Variants in ADARB1 observed in about 807,000 individuals in gnomAD.
The protein encoded by ADARB1 is adenosine deaminase RNA specific B1.
Under a neutral mutation model 52.4 loss-of-function variants are expected in ADARB1, and 10 were observed. The observed-to-expected ratio is 0.19, with a 90% CI of 0.12 to 0.32. ADARB1 has a LOEUF of 0.32. Ranked by LOEUF, ADARB1 falls within the 10% of genes least tolerant of loss-of-function variation. The pLI is 1.00. For missense variants in ADARB1, 643 were observed against 922.3 expected, an observed-to-expected ratio of 0.70 and a Z score of 3.92; for synonymous variants, 349 against 371.1, an observed-to-expected ratio of 0.94 and a Z score of 0.68.
chr21:45,170,685 T>C (rs1352265778), intron 2 of ADARB1, among the ~76,000 whole-genome samples: 1 of 152,082 alleles, frequency 6.6e-6, no homozygotes, highest in Non-Finnish European at 1.5e-5. Flanking sequence ...ATTTGCCTTT[T>C]AGTGATTTAT....
rs1490376346 is a variant in ADARB1 at position 45,200,984 on chromosome 21, G to A, written c.1566-3571G>A. 2.6e-5 allele frequency among the ~76,000 whole-genome samples: 4 copies of A among 152,214 alleles called. No individual in the cohort carries two copies. The highest frequency in any genetic ancestry group is 5.9e-5 in the Non-Finnish European group (4 of 68,028). ...AAGACGAAGAAGGCCAGGCACAGAT[G>A]CCTAGACCCGGGTGCACTGAGCCGA... On this transcript the variant is annotated intron_variant, in intron 8 of 10. Transcript: ENST00000348831. This position sits in a 1 kb window ranked among gnomAD's most constrained non-coding sequence, Gnocchi z 5.0.
Position 45,182,768 on chromosome 21 carries a change from C to T in ADARB1, c.1247+15C>T. ...CTTTACTTAAAGTAAGTTTAGTAAA[C>T]AAATAAGGACAGGAAGCTCTTTTTA... On this transcript the variant is annotated intron_variant, in intron 6 of 10. Coordinates refer to ENST00000348831, the MANE Select transcript of ADARB1 (RefSeq NM_001112.4). 1.3e-6 allele frequency: 2 copies of T among 1,555,844 alleles called. No individual in the cohort carries two copies. Among genetic ancestry groups the T allele is most frequent in the Non-Finnish European group, 1.7e-6 (2 of 1,152,328 alleles).
At chr21:45,195,528 A>G (rs1251255527) in intron 8 of ADARB1, among the ~76,000 whole-genome samples, 3 of 151,690 alleles carry the variant, frequency 2.0e-5, no homozygotes, top group Non-Finnish European at 2.9e-5. Context: ...TAGGAATTTT[A>G]TAGTTTTGCA....
intron 2 of ADARB1, chr21:45,152,656 C>A (rs1471937344): frequency 2.2e-6 from 1 of 450,750 alleles, no homozygotes; most frequent in South Asian, 1.6e-5. Flanking sequence ...CCTTTTTCAG[C>A]ATCATGGGGC....
rs137956989 is a variant in ADARB1 at position 45,081,310 on chromosome 21, C to A, written c.-220+6517C>A. ...AGACACCGTGCCTCACAACTACACACGGACCCGGCTTATGATGGTTCCAGT... is the reference window on the plus strand; with the variant it reads ...AGACACCGTGCCTCACAACTACACAAGGACCCGGCTTATGATGGTTCCAGT... On this transcript the variant is annotated intron_variant, in intron 1 of 10. Transcript: ENST00000348831. 5.5e-3 allele frequency among the ~76,000 whole-genome samples: 845 copies of A among 152,280 alleles called. 6 individuals carry two copies. The highest frequency in any genetic ancestry group is 0.014 in the Middle Eastern group (4 of 294).
At chr21:45,169,833 G>T (rs1298963743) in intron 2 of ADARB1, among the ~76,000 whole-genome samples, 1 of 152,130 alleles carries the variant, frequency 6.6e-6, no homozygotes, top group East Asian at 1.9e-4. Context: ...CTGTTTTCCC[G>T]TCTTCGTGAT....
chr21:45,091,226 C>G (rs532218922), intron 1 of ADARB1, among the ~76,000 whole-genome samples: 1 of 152,306 alleles, frequency 6.6e-6, no homozygotes, highest in Admixed American at 6.5e-5. Flanking sequence ...ACTCAGACAT[C>G]CACTTGTCTT....
intron 9 of ADARB1, among the ~76,000 whole-genome samples, chr21:45,215,757 T>G (rs893500542): frequency 6.6e-5 from 10 of 152,250 alleles, no homozygotes; most frequent in Admixed American, 5.2e-4. Flanking sequence ...TTTGCTAAAA[T>G]TTCATTTAGA....
chr21:45,084,871 G>C (rs972239076), intron 1 of ADARB1, among the ~76,000 whole-genome samples: 1 of 152,172 alleles, frequency 6.6e-6, no homozygotes, highest in African/African-American at 2.4e-5. Context: ...AAGTCACTTA[G>C]AGTGAGTTGA....
Position 45,222,907 on chromosome 21 carries a change from T to TG in ADARB1, c.*711dup. On this transcript the variant is annotated 3_prime_UTR_variant, in exon 11 of 11. Coordinates refer to ENST00000348831, the MANE Select transcript of ADARB1 (RefSeq NM_001112.4). Reference sequence around the variant, plus strand: ...CCTGCAGAGGCGTGACCCAGGCCCCTGTAGCCCTCAGCCTCCTCTAGAAGC... The same window carrying TG: ...CCTGCAGAGGCGTGACCCAGGCCCCTGGTAGCCCTCAGCCTCCTCTAGAAGC... The TG allele has an allele frequency of 6.1e-6, 6 of 985,510 alleles. No homozygotes were observed. The highest frequency in any genetic ancestry group is 7.2e-6 in the Non-Finnish European group (6 of 829,958). 61.0% of individuals were successfully genotyped at this position (985,510 alleles called of 1,614,324 possible).
intron 8 of ADARB1, among the ~76,000 whole-genome samples, chr21:45,202,256 C>A (rs1601941720): frequency 6.6e-6 from 1 of 152,282 alleles, no homozygotes; most frequent in East Asian, 1.9e-4. Context: ...GGTCCTATAT[C>A]TCTTCCAAAA....
chr21:45,127,864 T>G (rs2088688764), intron 1 of ADARB1, among the ~76,000 whole-genome samples: 1 of 152,150 alleles, frequency 6.6e-6, no homozygotes, highest in South Asian at 2.1e-4. Flanking sequence ...TGTTGAAACA[T>G]TTTCTCTAAT....
In ADARB1 at chr21:45,200,946, A is replaced by G. The variant is rs1467853302; in HGVS notation, c.1566-3609A>G. ...TGGACTCTGTTCCTAAAGAAATGGC[A>G]CAAGGAAAATGAAAGACGAAGAAGG... is the stretch of plus-strand genomic sequence containing the variant. On this transcript the variant is annotated intron_variant, in intron 8 of 10. Transcript: ENST00000348831. The surrounding 1 kb of genome is among the most constrained non-coding windows in gnomAD (Gnocchi z 5.0). Among the ~76,000 whole-genome samples the G allele has an allele frequency of 2.0e-5, 3 of 152,222 alleles. No individual in the cohort carries two copies. The highest frequency in any genetic ancestry group is 7.2e-5 in the African/African-American group (3 of 41,460).
chr21:45,202,084 G>A (rs369635976), intron 8 of ADARB1, among the ~76,000 whole-genome samples: 10 of 152,230 alleles, frequency 6.6e-5, no homozygotes, highest in African/African-American at 2.4e-4. Flanking sequence ...CCACTGGACT[G>A]TTTTGTGCCA....
intron 1 of ADARB1, among the ~76,000 whole-genome samples, chr21:45,077,763 T>A (rs1334010601): frequency 6.6e-6 from 1 of 152,076 alleles, no homozygotes; most frequent in Non-Finnish European, 1.5e-5. Context: ...GTGATGGAAA[T>A]GGTGTTAAAA....
intron 2 of ADARB1, among the ~76,000 whole-genome samples, chr21:45,140,619 CTG>C (rs369109484): frequency 1.3e-5 from 2 of 151,820 alleles, no homozygotes; most frequent in South Asian, 2.1e-4. Flanking sequence ...TTTACACCAT[CTG>C]TGTGTGTGTG....
At chr21:45,126,324 G>A (rs2088576068) in intron 1 of ADARB1, among the ~76,000 whole-genome samples, 1 of 152,196 alleles carries the variant, frequency 6.6e-6, no homozygotes, top group African/African-American at 2.4e-5. Flanking sequence ...TGACCACCAT[G>A]CAGCTTGTTA....
intron 2 of ADARB1, among the ~76,000 whole-genome samples, chr21:45,169,639 A>C (rs2146102222): frequency 6.6e-6 from 1 of 152,350 alleles, no homozygotes; most frequent in South Asian, 2.1e-4. Context: ...GGGAGGAAAA[A>C]GGAGAAGAAC....
intron 8 of ADARB1, among the ~76,000 whole-genome samples, chr21:45,201,097 A>G (rs917345394): frequency 1.3e-5 from 2 of 152,218 alleles, no homozygotes; most frequent in East Asian, 3.8e-4. Context: ...GGCACCTCCC[A>G]TGGGGTCCGC....
Sources: gnomAD v4.1 joint callset for allele counts (sites outside exome capture counted in the v4.1 genomes callset) on GRCh38, gnomAD v4.1.1 for gene constraint, Gnocchi (gnomAD v3.1) non-coding constraint, MANE v1.5 for transcripts, NCBI Gene and HGNC (gene_info 2026-07-23, HGNC 2026-07-21) for gene names.